DCX: variants seen among roughly 807,000 people sequenced by gnomAD.
DCX encodes the protein doublecortin, also known as neuronal migration protein doublecortin.
DCX carries 4 observed loss-of-function variants against 20.9 expected under a neutral mutation model. The ratio of observed to expected loss-of-function variants is 0.19; its 90% CI spans 0.09 to 0.44. The LOEUF (loss-of-function observed/expected upper bound fraction) is 0.44. Ranked by LOEUF, DCX falls within the 20% of genes least tolerant of loss-of-function variation. The probability of loss-of-function intolerance (pLI) is 0.99; values close to 1 mark genes in which losing one functional copy is unlikely to be tolerated. For missense variants in DCX, 133 were observed against 296.9 expected, an observed-to-expected ratio of 0.45 and a Z score of 4.06; for synonymous variants, 103 against 111.4, an observed-to-expected ratio of 0.92 and a Z score of 0.47.
intron 3 of DCX, among the ~76,000 whole-genome samples, chrX:111,363,591 T>C (rs1388803109): frequency 1.8e-5 from 2 of 109,743 alleles, no homozygotes; most frequent in Non-Finnish European, 3.8e-5. Context: ...ACTGAATTAA[T>C]CATCTTCTTC....
At chrX:111,325,287 C>G (rs1229329647) in intron 5 of DCX, among the ~76,000 whole-genome samples, 2 of 111,156 alleles carry the variant, frequency 1.8e-5, no homozygotes, top group African/African-American at 3.3e-5. Flanking sequence ...CAACGTAGAC[C>G]TTTGCATTCA....
At position 111,331,291 on chromosome X, in the gene DCX, C is replaced by G. The variant is rs138971627; in HGVS notation, c.809-250G>C. On this transcript the variant is annotated intron_variant, in intron 4 of 6. Transcript: ENST00000636035. ...GAAAACAAGGGCAAGAGTCCATAAA[C>G]AGGTCAAGTAGGCAATTAAATAGTC... Among the ~76,000 whole-genome samples the G allele has an allele frequency of 1.6e-3, 176 of 111,763 alleles. 1 individual carries two copies. The highest frequency in any genetic ancestry group is 5.5e-3 in the African/African-American group (168 of 30,760).
At chrX:111,352,069 C>A (rs1282933869) in intron 3 of DCX, among the ~76,000 whole-genome samples, 1 of 111,417 alleles carries the variant, frequency 9.0e-6, no homozygotes, top group Non-Finnish European at 1.9e-5. Context: ...CTCCAATAAC[C>A]TCCTCCCAGA....
chrX:111,350,634 T>A (rs1262883769), intron 3 of DCX, among the ~76,000 whole-genome samples: 1 of 112,098 alleles, frequency 8.9e-6, no homozygotes, highest in Non-Finnish European at 1.9e-5. Flanking sequence ...ACAGAGCTAT[T>A]CTGATAGTTC....
intron 6 of DCX, among the ~76,000 whole-genome samples, chrX:111,303,923 G>A (rs986271436): frequency 3.6e-5 from 4 of 111,154 alleles, no homozygotes; most frequent in Non-Finnish European, 5.7e-5. Context: ...ATTTGTTTGG[G>A]GTTTGCTCTT....
chrX:111,391,787 C>T (rs1926972975), intron 3 of DCX, among the ~76,000 whole-genome samples: 1 of 111,815 alleles, frequency 8.9e-6, no homozygotes, highest in Non-Finnish European at 1.9e-5. Context: ...GCTCCCTACA[C>T]CCAAGTTGTT....
intron 3 of DCX, among the ~76,000 whole-genome samples, chrX:111,353,983 G>A (rs1238940116): frequency 4.5e-5 from 5 of 112,088 alleles, no homozygotes; most frequent in African/African-American, 1.6e-4. Flanking sequence ...TTTTGAGCCT[G>A]TTAAGGATTG....
chrX:111,299,637 G>A lies in DCX; in HGVS notation c.*2050C>T, dbSNP rs2095029306. On this transcript the variant is annotated 3_prime_UTR_variant, in exon 7 of 7. Coordinates refer to ENST00000636035, the MANE Select transcript of DCX (RefSeq NM_001195553.2). ...TCCCAATTAACTACAAAATGTTCTGGGAGGCACTAAGAAAACCCTGAGCTT... is the reference window on the plus strand; with the variant it reads ...TCCCAATTAACTACAAAATGTTCTGAGAGGCACTAAGAAAACCCTGAGCTT... 1 of 111,254 alleles carries A rather than the reference G, an allele frequency of 9.0e-6. No homozygotes were observed. Among genetic ancestry groups the A allele is most frequent in the Non-Finnish European group, 1.9e-5 (1 of 53,080 alleles). 9.2% of individuals were successfully genotyped at this position (111,254 alleles called of 1,213,427 possible). A position where few individuals can be genotyped will look rare whatever the true frequency, so the allele number is the denominator to read the frequency against.
intron 3 of DCX, among the ~76,000 whole-genome samples, chrX:111,338,015 C>A (rs1025879209): frequency 8.9e-6 from 1 of 112,022 alleles, no homozygotes; most frequent in East Asian, 2.8e-4. Context: ...GAAGGCTTCA[C>A]AGAGAAAAAC....
chrX:111,334,136 G>T (rs998214948), intron 3 of DCX, among the ~76,000 whole-genome samples: 2 of 112,489 alleles, frequency 1.8e-5, no homozygotes, highest in Non-Finnish European at 3.8e-5. Context: ...CTTGCTGGGT[G>T]CAGAGAGCAA....
At chrX:111,345,764 T>C (rs1365743231) in intron 3 of DCX, among the ~76,000 whole-genome samples, 1 of 111,920 alleles carries the variant, frequency 8.9e-6, no homozygotes, top group African/African-American at 3.2e-5. Flanking sequence ...TACCCAGTAA[T>C]GGGATTGCTG....
At chrX:111,392,332 C>T (rs983828562) in intron 3 of DCX, among the ~76,000 whole-genome samples, 25 of 110,951 alleles carry the variant, frequency 2.3e-4, no homozygotes, top group Admixed American at 2.0e-3. Context: ...TATGTCTATA[C>T]CTAAATCATG....
intron 3 of DCX, among the ~76,000 whole-genome samples, chrX:111,357,781 A>G (rs1272756033): frequency 9.4e-6 from 1 of 106,745 alleles, no homozygotes. Flanking sequence ...GGCACGTCTC[A>G]AAAAGAGAAA....
At chrX:111,349,188 G>A (rs1167315040) in intron 3 of DCX, among the ~76,000 whole-genome samples, 1 of 111,853 alleles carries the variant, frequency 8.9e-6, no homozygotes, top group Non-Finnish European at 1.9e-5. Flanking sequence ...CTCTAGACTA[G>A]TTGATTTCTG....
chrX:111,404,861 AG>A (rs2147268069), intron 2 of DCX, among the ~76,000 whole-genome samples: 1 of 112,652 alleles, frequency 8.9e-6, no homozygotes, highest in South Asian at 3.7e-4. Flanking sequence ...GCCAGAGCTC[AG>A]TGCCTCCTGC....
At chrX:111,311,151 T>C (rs780381773) in intron 6 of DCX, among the ~76,000 whole-genome samples, 1 of 112,371 alleles carries the variant, frequency 8.9e-6, no homozygotes, top group Admixed American at 9.4e-5. Flanking sequence ...AAAGAATAAC[T>C]AAAAGCCAAC....
intron 3 of DCX, among the ~76,000 whole-genome samples, chrX:111,365,563 T>C (rs191720944): frequency 1.8e-5 from 2 of 110,937 alleles, no homozygotes; most frequent in African/African-American, 6.5e-5. Context: ...TATCAAATAG[T>C]AGTTCTTATT....
At chrX:111,319,854 G>A (rs947002058) in intron 5 of DCX, among the ~76,000 whole-genome samples, 4 of 112,118 alleles carry the variant, frequency 3.6e-5, no homozygotes, top group Non-Finnish European at 7.5e-5. Flanking sequence ...ACAGATTCTA[G>A]TGTCCCAGTA....
At chrX:111,374,043 T>C (rs1925331178) in intron 3 of DCX, among the ~76,000 whole-genome samples, 1 of 112,241 alleles carries the variant, frequency 8.9e-6, no homozygotes, top group African/African-American at 3.2e-5. Context: ...TCCCTGAATC[T>C]GTTCTTTTTC....
Sources: allele counts gnomAD v4.1 joint callset (sites outside exome capture counted in the v4.1 genomes callset), GRCh38; gene constraint gnomAD v4.1.1; transcripts MANE v1.5; gene names NCBI Gene and HGNC (gene_info 2026-07-23, HGNC 2026-07-21).